Variants in NUP210L observed in about 807,000 individuals in gnomAD.
NUP210L encodes nucleoporin 210 like.
NUP210L carries 74 observed loss-of-function variants against 208.5 expected under a neutral mutation model. The observed-to-expected ratio is 0.35, with a 90% CI of 0.29 to 0.43. The LOEUF is 0.43. Among genes scored for constraint, NUP210L ranks in the 20% least tolerant of loss-of-function variants. The pLI is 1.00. For missense variants in NUP210L, 1,843 were observed against 2,289.4 expected (o/e 0.81, Z 3.98); for synonymous variants, 780 against 816.9 (o/e 0.95, Z 0.77).
At chr1:154,025,519 T>C in intron 30 of NUP210L, 23 bp downstream of exon 30, 2 of 1,453,682 alleles carry the variant, frequency 1.4e-6, no homozygotes, top group South Asian at 1.6e-5. Context: ...TATTTGTTTT[T>C]TTTAGTAAGT....
At chr1:154,089,638 T>C (rs747410632) in intron 15 of NUP210L, 44 bp from the exon 16 acceptor site, 2 of 1,476,404 alleles carry the variant, frequency 1.4e-6, no homozygotes, top group African/African-American at 1.4e-5. Flanking sequence ...GGGTAGATAC[T>C]TGATGTCAGT....
chr1:154,107,473 C>CAAAA (rs60482405), intron 12 of NUP210L, among the ~76,000 whole-genome samples: 1 of 95,276 alleles, frequency 1.0e-5, no homozygotes, highest in Admixed American at 1.0e-4. Flanking sequence ...GACTCCGTCT[C>CAAAA]AAAAAAAAAA....
intron 35 of NUP210L, among the ~76,000 whole-genome samples, chr1:154,005,519 C>T (rs943950517): frequency 4.6e-5 from 7 of 152,034 alleles, no homozygotes; most frequent in African/African-American, 1.2e-4. Context: ...TGAGCCACCG[C>T]GCCCAGTGTT....
intron 7 of NUP210L, among the ~76,000 whole-genome samples, chr1:154,131,110 A>T (rs1259451936): frequency 1.3e-5 from 2 of 151,954 alleles, no homozygotes; most frequent in Non-Finnish European, 2.9e-5. Context: ...GCTAAAAAAA[A>T]AAATACAAAA....
At position 154,089,409 on chromosome 1, in the gene NUP210L, C is replaced by T. The variant is rs781240354; in HGVS notation, c.2361+12G>A. 3 of 1,613,030 alleles carry T rather than the reference C, an allele frequency of 1.9e-6. No homozygotes were observed. The highest frequency in any genetic ancestry group is 2.5e-6 in the Non-Finnish European group (3 of 1,179,156). ...AAGTGCCAACTTAGTTGGAAACATA[C>T]TCTGTACTTACCAGCCATTTGTTGT... On this transcript the variant is annotated intron_variant, in intron 16 of 39. Coordinates refer to ENST00000368559, the Ensembl canonical transcript of NUP210L.
intron 10 of NUP210L, among the ~76,000 whole-genome samples, chr1:154,121,763 A>T (rs1646992228): frequency 6.6e-6 from 1 of 151,940 alleles, no homozygotes; most frequent in Non-Finnish European, 1.5e-5. Flanking sequence ...GCTACTCGGG[A>T]GGCTGAGGCA....
exon 17 of NUP210L, chr1:154,070,379 T>C: frequency 6.2e-7 from 1 of 1,613,308 alleles, no homozygotes; most frequent in East Asian, 2.2e-5. Context: ...ATTCTAGCAT[T>C]AGTGAACTGA....
chr1:154,075,314 A>G (rs1157460335), intron 16 of NUP210L, among the ~76,000 whole-genome samples: 1 of 152,176 alleles, frequency 6.6e-6, no homozygotes, highest in Non-Finnish European at 1.5e-5. Flanking sequence ...ATACCCACGT[A>G]TACATATATA....
chr1:154,118,959 C>T (rs1268807908), intron 10 of NUP210L, 151 bp from the exon 11 acceptor site: 2 of 428,886 alleles, frequency 4.7e-6, no homozygotes, highest in East Asian at 3.5e-5. Context: ...TATTTCTCTT[C>T]ATTAAATAAG....
intron 12 of NUP210L, among the ~76,000 whole-genome samples, chr1:154,117,484 G>GC (rs1657387798): frequency 6.6e-6 from 1 of 152,288 alleles, no homozygotes; most frequent in Non-Finnish European, 1.5e-5. Flanking sequence ...AGGAGGCTGA[G>GC]CCAGGAGAAT....
intron 12 of NUP210L, among the ~76,000 whole-genome samples, chr1:154,107,418 G>C (rs1656822070): frequency 6.7e-6 from 1 of 150,130 alleles, no homozygotes; most frequent in Non-Finnish European, 1.5e-5. Flanking sequence ...AGCTTGCAGT[G>C]AGCTGAGATT....
chr1:154,077,669 C>A (rs1165681208), intron 16 of NUP210L, among the ~76,000 whole-genome samples: 1 of 152,064 alleles, frequency 6.6e-6, no homozygotes, highest in Admixed American at 6.6e-5. Context: ...TGTAATTATT[C>A]TTTTTTTCTA....
chr1:154,049,426 CA>C (rs1291924793), intron 25 of NUP210L, among the ~76,000 whole-genome samples: 2 of 152,020 alleles, frequency 1.3e-5, no homozygotes, highest in African/African-American at 4.8e-5. Flanking sequence ...CCGCTTCAAA[CA>C]GAAAGAAAAG....
At chr1:154,052,246 C>T (rs1482128138) in intron 25 of NUP210L, among the ~76,000 whole-genome samples, 1 of 152,170 alleles carries the variant, frequency 6.6e-6, no homozygotes, top group East Asian at 1.9e-4. Flanking sequence ...GCTTGTGTTT[C>T]TCCTGGACCA....
At chr1:154,051,711 C>T (rs1305150478) in intron 25 of NUP210L, among the ~76,000 whole-genome samples, 1 of 152,180 alleles carries the variant, frequency 6.6e-6, no homozygotes, top group Non-Finnish European at 1.5e-5. Context: ...CACATGTTCC[C>T]TCATTTGGGA....
intron 35 of NUP210L, among the ~76,000 whole-genome samples, chr1:154,002,510 G>A (rs1268289689): frequency 6.6e-6 from 1 of 152,048 alleles, no homozygotes; most frequent in Non-Finnish European, 1.5e-5. Flanking sequence ...GTGGGTACCT[G>A]TAATCCCAGC....
intron 27 of NUP210L, among the ~76,000 whole-genome samples, chr1:154,041,925 C>T (rs1346575159): frequency 2.0e-5 from 3 of 152,162 alleles, no homozygotes; most frequent in East Asian, 3.8e-4. Flanking sequence ...GTCCCCTACA[C>T]ACACAAAAAA....
chr1:154,017,978 T>A (rs1406563034), intron 33 of NUP210L, among the ~76,000 whole-genome samples: 1 of 151,932 alleles, frequency 6.6e-6, no homozygotes, highest in Admixed American at 6.6e-5. Flanking sequence ...TCTCTTTTTT[T>A]TTCTTTTTTT....
At chr1:154,099,566 T>C (rs1380973978) in intron 14 of NUP210L, among the ~76,000 whole-genome samples, 1 of 152,192 alleles carries the variant, frequency 6.6e-6, no homozygotes, top group Non-Finnish European at 1.5e-5. Context: ...GGGTAAAAGA[T>C]GATTGACTTC....
Sources: gnomAD v4.1 joint callset for allele counts (sites outside exome capture counted in the v4.1 genomes callset) on GRCh38, gnomAD v4.1.1 for gene constraint, MANE v1.5 for transcripts, NCBI Gene and HGNC (gene_info 2026-07-23, HGNC 2026-07-21) for gene names.